The following ZNF280D variants were observed in gnomAD, a reference collection of about 807,000 sequenced individuals.
ZNF280D encodes the protein zinc finger protein 280D, also known as suppressor of hairy wing homolog 4.
A neutral mutation model predicts 94.7 loss-of-function variants in ZNF280D; 39 were observed. The observed-to-expected ratio is 0.41, with a 90% CI of 0.32 to 0.54. The LOEUF (loss-of-function observed/expected upper bound fraction) is 0.54, where lower values mean the gene tolerates loss of function less well. ZNF280D is among the 20% of genes least tolerant of loss of function. The pLI is 0.22. For synonymous variants in ZNF280D, 398 were observed against 377.6 expected, an observed-to-expected ratio of 1.05 and a Z score of -0.63; for missense variants, 1,090 against 1,149.3, an observed-to-expected ratio of 0.95 and a Z score of 0.75.
chr15:56,666,767 GT>G lies in ZNF280D; in HGVS notation c.1764del (p.Lys588AsnfsTer27). On this transcript the variant is annotated frameshift_variant, in exon 15 of 22. Transcript: ENST00000267807. LOFTEE classifies it high-confidence loss of function. ...TTCTTTTGCATATTAGAGATTTTTGGTTTGTATTTAGATTTACTTCCATTAG... is the reference window on the plus strand; with the variant it reads ...TTCTTTTGCATATTAGAGATTTTTGGTTGTATTTAGATTTACTTCCATTAG... ...SKPNGSKSKY[K>X]PKISNMQKKQ... The G allele has an allele frequency of 6.2e-7, 1 of 1,613,452 alleles. No individual in the cohort carries two copies. The highest frequency in any genetic ancestry group is 1.1e-5 in the South Asian group (1 of 91,060).
intron 10 of ZNF280D, among the ~76,000 whole-genome samples, chr15:56,679,684 C>A (rs1414563353): frequency 6.6e-6 from 1 of 152,076 alleles, no homozygotes; most frequent in Non-Finnish European, 1.5e-5. Context: ...TAGACTAGGT[C>A]AACTGTTAAC....
At chr15:56,730,126 C>G (rs1253949712) in intron 1 of ZNF280D, 1 of 151,954 alleles carries the variant, frequency 6.6e-6, no homozygotes, top group African/African-American at 2.4e-5. Flanking sequence ...CACTTTTCCT[C>G]GTATACTGAG....
intron 1 of ZNF280D, among the ~76,000 whole-genome samples, chr15:56,707,866 C>A (rs760622545): frequency 3.3e-5 from 5 of 151,384 alleles, no homozygotes; most frequent in Non-Finnish European, 7.4e-5. Flanking sequence ...GAGTAAGTCA[C>A]ATTCTTAAGA....
intron 1 of ZNF280D, among the ~76,000 whole-genome samples, chr15:56,732,052 T>C (rs1166535451): frequency 1.3e-5 from 2 of 152,154 alleles, no homozygotes; most frequent in South Asian, 4.1e-4. Context: ...TAATGTTTCT[T>C]AAAATCTTTA....
chr15:56,654,570 T>G, intron 17 of ZNF280D, 67 bp from the exon 18 acceptor site: 1 of 1,444,330 alleles, frequency 6.9e-7, no homozygotes, highest in Non-Finnish European at 9.3e-7. Context: ...GTTTGATGAT[T>G]ATTTTTCCAT....
chr15:56,662,980 C>T (rs1003516054), intron 16 of ZNF280D, among the ~76,000 whole-genome samples: 16 of 151,876 alleles, frequency 1.1e-4, no homozygotes, highest in African/African-American at 3.1e-4. Context: ...CGAATAGTCA[C>T]TGTAGAAAAC....
intron 1 of ZNF280D, among the ~76,000 whole-genome samples, chr15:56,708,384 C>G (rs545592620): frequency 9.2e-5 from 14 of 152,168 alleles, no homozygotes; most frequent in African/African-American, 3.4e-4. Context: ...GTAGCTTGTC[C>G]CACTAGCAAC....
chr15:56,727,626 T>C (rs1443179949), intron 1 of ZNF280D, among the ~76,000 whole-genome samples: 1 of 152,156 alleles, frequency 6.6e-6, no homozygotes, highest in Non-Finnish European at 1.5e-5. Flanking sequence ...CTGTTTCTAG[T>C]TTTCACTGAA....
At chr15:56,653,563 C>T in intron 19 of ZNF280D, 3 of 1,511,732 alleles carry the variant, frequency 2.0e-6, no homozygotes, top group Non-Finnish European at 2.6e-6. Flanking sequence ...CAGGTATACC[C>T]TGGATATTTT....
In ZNF280D at chr15:56,674,643, G is replaced by A. The variant is rs566319193; in HGVS notation, c.1410+2027C>T. ...GCTCTGTTTCCTCATCTATAAAACT[G>A]AAATAATAATATACATCTAGTGGTT... On this transcript the variant is annotated intron_variant, in intron 13 of 21. Coordinates refer to ENST00000267807, the MANE Select transcript of ZNF280D (RefSeq NM_017661.4). Among the ~76,000 whole-genome samples the A allele has an allele frequency of 5.9e-5, 9 of 152,072 alleles. No homozygotes were observed. The South Asian group carries it at 1.2e-3, about 21-fold the overall frequency.
rs56365440 is a variant in ZNF280D at position 56,670,009 on chromosome 15, A to ATTATATATATATATATTAT, written c.1411-1053_1411-1052insATAATATATATATATATAA. Among the ~76,000 whole-genome samples the ATTATATATATATATATTAT allele has an allele frequency of 2.0e-3, 6 of 2,978 alleles. 2 individuals carry two copies. Among genetic ancestry groups the ATTATATATATATATATTAT allele is most frequent in the African/African-American group, 5.6e-3 (3 of 536 alleles). 2.0% of individuals were successfully genotyped at this position (2,978 alleles called of 152,430 possible). A position where few individuals can be genotyped will look rare whatever the true frequency, so the allele number is the denominator to read the frequency against. On this transcript the variant is annotated intron_variant, in intron 13 of 21. Transcript: ENST00000267807. Reference sequence around the variant, plus strand: ...TTATATATATATATTATATATATATAATATATATATATAGTGGTTTTAGAG... The same window carrying ATTATATATATATATATTAT: ...TTATATATATATATTATATATATATATTATATATATATATATTATATATATATATATAGTGGTTTTAGAG...
chr15:56,718,605 G>T (rs1013267308), intron 1 of ZNF280D, among the ~76,000 whole-genome samples: 3 of 152,108 alleles, frequency 2.0e-5, no homozygotes, highest in Non-Finnish European at 4.4e-5. Context: ...TAATACGAAA[G>T]AAAAATTTTC....
chr15:56,655,310 C>A (rs564689203), intron 17 of ZNF280D, among the ~76,000 whole-genome samples: 1 of 152,172 alleles, frequency 6.6e-6, no homozygotes, highest in African/African-American at 2.4e-5. Flanking sequence ...TGGGTTCAAG[C>A]GATTCTCCTG....
intron 7 of ZNF280D, among the ~76,000 whole-genome samples, chr15:56,692,380 T>C (rs1238223237): frequency 6.6e-6 from 1 of 152,098 alleles, no homozygotes. Context: ...AAATCATGTA[T>C]ACGTCTGTTT....
chr15:56,727,795 A>G (rs1261283487), intron 1 of ZNF280D, among the ~76,000 whole-genome samples: 1 of 152,236 alleles, frequency 6.6e-6, no homozygotes, highest in Non-Finnish European at 1.5e-5. Context: ...ATGACTTTAT[A>G]AGGGAAATCT....
At chr15:56,725,817 TA>T (rs542157451) in intron 1 of ZNF280D, among the ~76,000 whole-genome samples, 1,756 of 147,612 alleles carry the variant, frequency 0.012, 36 homozygotes, top group African/African-American at 0.039. Context: ...TTCAGGTGAT[TA>T]AAAAAAAAAA....
At chr15:56,700,516 G>GTT (rs758468605) in intron 6 of ZNF280D, 1 of 1,008,014 alleles carries the variant, frequency 9.9e-7, no homozygotes. Flanking sequence ...AAAAATGTTT[G>GTT]TTTTTTTTTA....
At chr15:56,691,294 T>A (rs980088952) in intron 7 of ZNF280D, among the ~76,000 whole-genome samples, 15 of 152,318 alleles carry the variant, frequency 9.8e-5, no homozygotes, top group Middle Eastern at 3.4e-3. Flanking sequence ...AATGATTTTT[T>A]TCCATCTTCA....
intron 13 of ZNF280D, among the ~76,000 whole-genome samples, chr15:56,676,290 C>T (rs1400712026): frequency 1.3e-5 from 2 of 151,392 alleles, no homozygotes; most frequent in Admixed American, 1.3e-4. Flanking sequence ...AATCCTCAGT[C>T]TTTTCTTCCT....
Sources: allele counts gnomAD v4.1 joint callset (sites outside exome capture counted in the v4.1 genomes callset), GRCh38; gene constraint gnomAD v4.1.1; transcripts MANE v1.5; gene names NCBI Gene and HGNC (gene_info 2026-07-23, HGNC 2026-07-21).